Variants in PPFIBP2 observed in about 807,000 individuals in gnomAD.
PPFIBP2 encodes the protein PPFIB scaffold protein 2, also known as liprin-beta-2.
A neutral mutation model predicts 118.3 loss-of-function variants in PPFIBP2; 118 were observed. The ratio of observed to expected loss-of-function variants is 1.00; its 90% CI spans 0.86 to 1.16. PPFIBP2 has a LOEUF of 1.16. PPFIBP2 is among the 50% of genes most tolerant of loss of function. PPFIBP2 has a pLI of 0.00. For synonymous variants in PPFIBP2, 414 were observed against 397.4 expected (o/e 1.04, Z -0.50); for missense variants, 1,195 against 1,073.1 (o/e 1.11, Z -1.59).
chr11:7,547,850 C>T (rs1014244812), intron 1 of PPFIBP2, among the ~76,000 whole-genome samples: 4 of 152,116 alleles, frequency 2.6e-5, no homozygotes, highest in Admixed American at 2.6e-4. Context: ...AATCCCTGCC[C>T]TCTCCCCCTC....
intron 3 of PPFIBP2, among the ~76,000 whole-genome samples, chr11:7,578,416 G>A (rs1856774977): frequency 6.6e-6 from 1 of 152,226 alleles, no homozygotes; most frequent in Non-Finnish European, 1.5e-5. Context: ...ACTGCAGAAG[G>A]ACAGAAGAAC....
At chr11:7,541,827 G>A (rs145453947) in intron 1 of PPFIBP2, among the ~76,000 whole-genome samples, 107 of 152,190 alleles carry the variant, frequency 7.0e-4, no homozygotes, top group African/African-American at 2.5e-3. Flanking sequence ...ACCCCACATT[G>A]TTGCTCCTGC....
At chr11:7,559,721 T>C (rs1854079046) in intron 2 of PPFIBP2, among the ~76,000 whole-genome samples, 1 of 152,170 alleles carries the variant, frequency 6.6e-6, no homozygotes, top group Non-Finnish European at 1.5e-5. Flanking sequence ...GGGTACTTTC[T>C]TTCTATAGGG....
intron 1 of PPFIBP2, among the ~76,000 whole-genome samples, chr11:7,524,197 G>A (rs1850020710): frequency 6.6e-6 from 1 of 152,002 alleles, no homozygotes; most frequent in African/African-American, 2.4e-5. Context: ...GGGACAAGGG[G>A]GACAGAGAGG....
downstream of PPFIBP2, chr11:7,656,873 C>T: frequency 1.8e-6 from 2 of 1,104,810 alleles, no homozygotes; most frequent in Non-Finnish European, 2.4e-6. Flanking sequence ...GGAGCGGGCA[C>T]ACAGCCCCCT....
intron 3 of PPFIBP2, among the ~76,000 whole-genome samples, chr11:7,567,835 A>G (rs533946858): frequency 6.6e-5 from 10 of 152,326 alleles, no homozygotes; most frequent in Non-Finnish European, 1.5e-4. Context: ...GCTTGTGAAA[A>G]ATGCAGACTA....
At chr11:7,630,194 T>G (rs1209519858) in intron 10 of PPFIBP2, among the ~76,000 whole-genome samples, 2 of 152,208 alleles carry the variant, frequency 1.3e-5, no homozygotes, top group African/African-American at 4.8e-5. Context: ...TGAAGGATAT[T>G]CAGGAACCTC....
chr11:7,577,700 GGT>G, intron 3 of PPFIBP2: 1 of 450,174 alleles, frequency 2.2e-6, no homozygotes, highest in South Asian at 1.6e-5. Context: ...GACGCTTTGG[GGT>G]GTTTTGGGGT....
chr11:7,653,609 G>T lies in PPFIBP2; in HGVS notation c.*391G>T. ...CACTTCAGTTGAGGGAAAAGCTCAA[G>T]TGCCTTAGGCCCGTGGACCACAGTC... On this transcript the variant is annotated 3_prime_UTR_variant, in exon 24 of 24. Transcript: ENST00000299492. 1 of 1,298,020 alleles carries T rather than the reference G, an allele frequency of 7.7e-7. No individual in the cohort carries two copies. Among genetic ancestry groups the T allele is most frequent in the Non-Finnish European group, 1.0e-6 (1 of 994,916 alleles). 80.4% of individuals were successfully genotyped at this position (1,298,020 alleles called of 1,614,324 possible).
intron 17 of PPFIBP2, among the ~76,000 whole-genome samples, chr11:7,647,576 TA>T (rs1301600350): frequency 6.6e-6 from 1 of 152,224 alleles, no homozygotes; most frequent in Non-Finnish European, 1.5e-5. Context: ...GTGGGATTTT[TA>T]AATTGTTTTA....
intron 14 of PPFIBP2, 119 bp downstream of exon 14, chr11:7,635,712 A>G (rs1851363050): frequency 3.7e-6 from 4 of 1,067,890 alleles, no homozygotes; most frequent in South Asian, 2.8e-5. Context: ...GTAAGAGGGC[A>G]AGAGGAAAGA....
At chr11:7,666,300 C>A in the PPFIBP2 span, 7 of 618,304 alleles carry the variant, frequency 1.1e-5, no homozygotes, top group Admixed American at 2.9e-5. Context: ...CCCTCAATTT[C>A]TCACATTTCC....
chr11:7,636,030 T>G (rs560601649), intron 14 of PPFIBP2, among the ~76,000 whole-genome samples: 1 of 152,290 alleles, frequency 6.6e-6, no homozygotes, highest in South Asian at 2.1e-4. Context: ...GGACTGATCT[T>G]CTCCAGGGAA....
intron 2 of PPFIBP2, among the ~76,000 whole-genome samples, chr11:7,554,226 C>T (rs1299934754): frequency 6.6e-6 from 1 of 151,358 alleles, no homozygotes; most frequent in East Asian, 1.9e-4. Context: ...TCACAGTTAC[C>T]ACGTATTTCA....
intron 1 of PPFIBP2, among the ~76,000 whole-genome samples, chr11:7,541,983 C>T (rs111562161): frequency 4.4e-4 from 67 of 152,146 alleles, no homozygotes; most frequent in Non-Finnish European, 8.1e-4. Flanking sequence ...TAATTCATTA[C>T]GGTCTGAGTC....
rs1442367568 is a variant in PPFIBP2 at position 7,625,792 on chromosome 11, C to G, written c.727C>G (p.Leu243Val). The change falls in exon 8 of 24, where the codon CTG becomes GTG. Residue 243 changes from leucine (L) to valine (V), a missense_variant. Physicochemically the swap from Leu to Val is conservative, Grantham distance 32 (BLOSUM62 1). Coordinates refer to ENST00000299492, the MANE Select transcript of PPFIBP2 (RefSeq NM_003621.5). ...GCTCTTCCAGGCTGAAGTCGCCCAG[C>G]TGCAAGAACAGGTGGCCCTGAAAGA... Reference protein sequence around the residue: ...LKATKAEVAQLQEQVALKDAE... With the variant: ...LKATKAEVAQVQEQVALKDAE... The G allele has an allele frequency of 2.5e-6, 4 of 1,614,198 alleles. No homozygotes were observed. Among genetic ancestry groups the G allele is most frequent in the Non-Finnish European group, 8.5e-7 (1 of 1,180,012 alleles).
intron 5 of PPFIBP2, among the ~76,000 whole-genome samples, chr11:7,600,662 C>T (rs546447950): frequency 1.2e-4 from 19 of 152,320 alleles, no homozygotes; most frequent in African/African-American, 4.1e-4. Context: ...TCTCAGTGTG[C>T]GCCCTTCTAA....
downstream of PPFIBP2, among the ~76,000 whole-genome samples, chr11:7,656,226 G>T (rs534901967): frequency 6.6e-6 from 1 of 152,292 alleles, no homozygotes; most frequent in Non-Finnish European, 1.5e-5. Flanking sequence ...CACTCCCAAG[G>T]CCTTTTAGTT....
chr11:7,606,320 AAG>A (rs1381254966), intron 5 of PPFIBP2, among the ~76,000 whole-genome samples: 5 of 152,334 alleles, frequency 3.3e-5, no homozygotes, highest in African/African-American at 1.2e-4. Context: ...GATGTAGGAT[AAG>A]TTAACTCCTA....
Sources: gnomAD v4.1 joint callset for allele counts (sites outside exome capture counted in the v4.1 genomes callset) on GRCh38, gnomAD v4.1.1 for gene constraint, MANE v1.5 for transcripts, NCBI Gene and HGNC (gene_info 2026-07-23, HGNC 2026-07-21) for gene names.